The following OSMR variants were observed in gnomAD, a reference collection of about 807,000 sequenced individuals.
OSMR encodes the protein oncostatin M receptor.
Under a neutral mutation model 99.9 loss-of-function variants are expected in OSMR, and 81 were observed. The observed-to-expected ratio is 0.81, with a 90% CI of 0.68 to 0.97. The LOEUF (loss-of-function observed/expected upper bound fraction) is 0.97, where lower values mean the gene tolerates loss of function less well. Among genes scored for constraint, OSMR ranks in the 50% least tolerant of loss-of-function variants. The pLI, the probability that OSMR is intolerant of heterozygous loss-of-function variation, is 0.00. For synonymous variants in OSMR, 406 were observed against 410.4 expected (o/e 0.99, Z 0.13); for missense variants, 1,099 against 1,153.4 (o/e 0.95, Z 0.68).
At chr5:38,916,333 A>G (rs1417371323) in intron 9 of OSMR, among the ~76,000 whole-genome samples, 1 of 152,184 alleles carries the variant, frequency 6.6e-6, no homozygotes, top group Non-Finnish European at 1.5e-5. Flanking sequence ...CCATTTTCTA[A>G]AGATGAATAA....
chr5:38,943,756 T>C (rs906489110), intron 1 of OSMR, among the ~76,000 whole-genome samples: 7 of 152,068 alleles, frequency 4.6e-5, no homozygotes, highest in African/African-American at 1.7e-4. Context: ...GAGGTTGCAG[T>C]GAGCCGAGAT....
chr5:38,885,432 A>T lies in OSMR; in HGVS notation c.787A>T (p.Thr263Ser). 1 of 1,614,042 alleles carries T rather than the reference A, an allele frequency of 6.2e-7. No individual in the cohort carries two copies. Among genetic ancestry groups the T allele is most frequent in the Non-Finnish European group, 8.5e-7 (1 of 1,179,886 alleles). ...LHCTWDPGTD[T>S]ALGWSKQPSQ... The stretch of plus-strand genomic sequence containing the variant: ...CTGTACTTGGGATCCTGGGACGGAC[A>T]CTGCCTTGGGGTGGTCTAAACAACC... Residue 263 changes from threonine (T) to serine (S), a missense_variant, in exon 6 of 18, where the codon ACT becomes TCT. By Grantham distance (58) the Thr-to-Ser change is moderately conservative (BLOSUM62 1). Transcript: ENST00000274276.
rs370421104 is a variant in OSMR at position 38,922,835 on chromosome 5, G to T, written c.1766-315G>T. 5.9e-5 allele frequency among the ~76,000 whole-genome samples: 9 copies of T among 152,290 alleles called. 1 individual carries two copies. Among genetic ancestry groups the T allele is most frequent in the Admixed American group, 2.0e-4 (3 of 15,300 alleles). ...GTGTTACCCAGGCTGGAGTGCAGTGGCTTGATCTCAGCTCATTGCAACCTC... is the reference window on the plus strand; with the variant it reads ...GTGTTACCCAGGCTGGAGTGCAGTGTCTTGATCTCAGCTCATTGCAACCTC... On this transcript the variant is annotated intron_variant, in intron 12 of 17. Coordinates refer to ENST00000274276, the MANE Select transcript of OSMR (RefSeq NM_003999.3).
At chr5:38,941,433 C>T (rs1747562492) in intron 1 of OSMR, 1 of 231,758 alleles carries the variant, frequency 4.3e-6, no homozygotes, top group African/African-American at 2.2e-5. Flanking sequence ...CTTTCCTATC[C>T]TTTAGGTCTA....
At chr5:38,943,099 G>T in intron 1 of OSMR, 2 of 553,640 alleles carry the variant, frequency 3.6e-6, no homozygotes, top group Non-Finnish European at 6.3e-6. Flanking sequence ...TTGGGGTGAT[G>T]ACTTGAGAAT....
At chr5:38,916,926 A>G (rs1392750443) in intron 9 of OSMR, among the ~76,000 whole-genome samples, 1 of 152,150 alleles carries the variant, frequency 6.6e-6, no homozygotes, top group African/African-American at 2.4e-5. Context: ...AAGGAAGCAC[A>G]CTATTCTAAA....
Position 38,879,007 on chromosome 5 carries a change from G to T in OSMR, c.247-2586G>T, listed in dbSNP as rs541906293. On this transcript the variant is annotated intron_variant, in intron 3 of 17. Coordinates refer to ENST00000274276, the MANE Select transcript of OSMR (RefSeq NM_003999.3). ...CAGCGCTGAGCACACTGGAAAGAAT[G>T]AGGAGGTGAACACACGCATAGGGTA... 3.3e-3 allele frequency among the ~76,000 whole-genome samples: 500 copies of T among 152,358 alleles called. 4 individuals carry two copies. Among genetic ancestry groups the T allele is most frequent in the African/African-American group, 0.011 (477 of 41,568 alleles).
chr5:38,852,931 C>T (rs1740528721), intron 1 of OSMR, among the ~76,000 whole-genome samples: 1 of 151,616 alleles, frequency 6.6e-6, no homozygotes, highest in South Asian at 2.1e-4. Flanking sequence ...CGGGGTTTCA[C>T]CGTGTTAGCC....
chr5:38,850,410 C>G (rs977341890), intron 1 of OSMR, among the ~76,000 whole-genome samples: 1 of 152,156 alleles, frequency 6.6e-6, no homozygotes, highest in African/African-American at 2.4e-5. Context: ...CTCTCCCTCT[C>G]TTCCTTTATT....
At chr5:38,921,177 A>G (rs1022879794) in intron 11 of OSMR, among the ~76,000 whole-genome samples, 2 of 152,208 alleles carry the variant, frequency 1.3e-5, no homozygotes, top group African/African-American at 2.4e-5. Context: ...GCAGATAGCA[A>G]ACATTTTTGC....
At position 38,876,980 on chromosome 5, in the gene OSMR, AT is replaced by A. The variant is rs1395588742; in HGVS notation, c.246+612del. Among the ~76,000 whole-genome samples, 5 of 152,202 alleles carry A rather than the reference AT, an allele frequency of 3.3e-5. No individual in the cohort carries two copies. In the East Asian group the frequency reaches 9.7e-4, roughly 29 times the overall value. On this transcript the variant is annotated intron_variant, in intron 3 of 17. Transcript: ENST00000274276. The stretch of plus-strand genomic sequence containing the variant: ...TTTGTCTTTGAATTCTTTGGGGTGG[AT>A]TTTTCACTTAGTTCAAATGATTATT...
chr5:38,861,372 C>T (rs559183654), intron 1 of OSMR, among the ~76,000 whole-genome samples: 110 of 152,176 alleles, frequency 7.2e-4, no homozygotes, highest in African/African-American at 2.2e-3. Flanking sequence ...GCACATCTTG[C>T]ACCGCCCTTA....
chr5:38,924,341 G>A (rs1746370582), intron 13 of OSMR, 81 bp from the exon 14 acceptor site: 8 of 1,604,912 alleles, frequency 5.0e-6, no homozygotes, highest in African/African-American at 1.3e-5. Flanking sequence ...AGCTGGCTAT[G>A]GTTCTTCTAT....
chr5:38,863,662 C>T (rs1741697797), intron 1 of OSMR, among the ~76,000 whole-genome samples: 2 of 152,150 alleles, frequency 1.3e-5, no homozygotes, highest in South Asian at 4.1e-4. Context: ...CTGTAAATGT[C>T]TGTTAGGTCC....
intron 7 of OSMR, among the ~76,000 whole-genome samples, chr5:38,903,133 T>C (rs1356915665): frequency 2.0e-5 from 3 of 152,228 alleles, no homozygotes; most frequent in Non-Finnish European, 2.9e-5. Context: ...AAGCAGGTGC[T>C]CTCTGTGCAC....
At chr5:38,880,721 A>G (rs1330502403) in intron 3 of OSMR, among the ~76,000 whole-genome samples, 2 of 152,110 alleles carry the variant, frequency 1.3e-5, no homozygotes, top group East Asian at 3.9e-4. Context: ...AGTGTGGGGG[A>G]GGTGCTATGT....
chr5:38,935,779 G>A (rs1168678821), downstream of OSMR: 1 of 152,032 alleles, frequency 6.6e-6, no homozygotes, highest in Non-Finnish European at 1.5e-5. Flanking sequence ...AATCTTTGGG[G>A]CATGGACCTG....
chr5:38,912,938 A>G (rs567865772), intron 9 of OSMR, among the ~76,000 whole-genome samples: 5 of 152,346 alleles, frequency 3.3e-5, no homozygotes, highest in South Asian at 2.1e-4. Flanking sequence ...GAGATGAATT[A>G]CAGATTTAAA....
At chr5:38,922,182 A>G (rs1352713050) in intron 12 of OSMR, among the ~76,000 whole-genome samples, 1 of 152,218 alleles carries the variant, frequency 6.6e-6, no homozygotes, top group African/African-American at 2.4e-5. Context: ...CTTCAGTTTC[A>G]ATAGAACATG....
Sources: allele counts gnomAD v4.1 joint callset (sites outside exome capture counted in the v4.1 genomes callset), GRCh38; gene constraint gnomAD v4.1.1; transcripts MANE v1.5; gene names NCBI Gene and HGNC (gene_info 2026-07-23, HGNC 2026-07-21).